MACF1: variants seen among roughly 807,000 people sequenced by gnomAD.
MACF1 encodes the protein microtubule-actin cross-linking factor 1.
A neutral mutation model predicts 854.8 loss-of-function variants in MACF1; 193 were observed. The observed-to-expected ratio is 0.23, with a 90% confidence interval of 0.20 to 0.25. The LOEUF is 0.25. Among genes scored for constraint, MACF1 ranks in the 10% least tolerant of loss-of-function variants. The probability of loss-of-function intolerance (pLI) is 1.00; values close to 1 mark genes in which losing one functional copy is unlikely to be tolerated. For missense variants in MACF1, 7,722 were observed against 8,929.1 expected, an observed-to-expected ratio of 0.86 and a Z score of 5.45; for synonymous variants, 3,185 against 3,226.7, an observed-to-expected ratio of 0.99 and a Z score of 0.44.
At position 39,483,387 on chromosome 1, in the gene MACF1, G is replaced by A. The variant is rs565209998; in HGVS notation, c.22282-1214G>A. On this transcript the variant is annotated intron_variant, in intron 99 of 100. Coordinates refer to ENST00000564288, the MANE Select transcript of MACF1 (RefSeq NM_001394062.1). ...AGTGAGACAAGACCTCTCTACTAAG[G>A]TCATCCTTTCAATAGAGCCCCTGCA... is the stretch of plus-strand genomic sequence containing the variant. 3.9e-5 allele frequency among the ~76,000 whole-genome samples: 6 copies of A among 152,300 alleles called. 1 individual carries two copies. The South Asian group carries it at 1.2e-3, about 32-fold the overall frequency.
intron 2 of MACF1, among the ~76,000 whole-genome samples, chr1:39,198,380 C>T (rs1049314679): frequency 6.6e-6 from 1 of 151,204 alleles, no homozygotes; most frequent in South Asian, 2.1e-4. Context: ...GTGCCGGGCG[C>T]GGTGGCTCAC....
chr1:39,281,567 T>C (rs1645548186), intron 6 of MACF1, among the ~76,000 whole-genome samples: 1 of 151,928 alleles, frequency 6.6e-6, no homozygotes, highest in Non-Finnish European at 1.5e-5. Context: ...CATACTTCAC[T>C]GCAGTCTTGA....
At chr1:39,282,431 A>G in intron 7 of MACF1, 57 bp downstream of exon 7, 1 of 1,517,430 alleles carries the variant, frequency 6.6e-7, no homozygotes, top group South Asian at 1.2e-5. Flanking sequence ...TCTTGTTTGT[A>G]ATTAGTTATA....
intron 40 of MACF1, 115 bp downstream of exon 40, chr1:39,341,068 C>G (rs1178679419): frequency 3.2e-6 from 3 of 950,426 alleles, no homozygotes; most frequent in Middle Eastern, 3.3e-4. Flanking sequence ...GAGTCTTGCT[C>G]TGTCACCCAA....
At chr1:39,480,201 G>A in intron 98 of MACF1, 192 bp downstream of exon 98, 1 of 580,904 alleles carries the variant, frequency 1.7e-6, no homozygotes, top group East Asian at 2.8e-5. Context: ...CAGATATATG[G>A]CCTTTAAGAT....
chr1:39,160,671 G>A (rs1435320775), intron 2 of MACF1, among the ~76,000 whole-genome samples: 1 of 152,190 alleles, frequency 6.6e-6, no homozygotes. Context: ...AAGAGGACAT[G>A]TAGTTTTTTT....
intron 15 of MACF1, among the ~76,000 whole-genome samples, chr1:39,287,880 C>G (rs1328782658): frequency 1.3e-5 from 2 of 152,140 alleles, no homozygotes; most frequent in African/African-American, 4.8e-5. Context: ...ATGAGGTTGG[C>G]ACAAATTCTC....
intron 2 of MACF1, among the ~76,000 whole-genome samples, chr1:39,196,454 G>C (rs564769166): frequency 6.6e-6 from 1 of 152,164 alleles, no homozygotes; most frequent in Admixed American, 6.5e-5. Flanking sequence ...CCTGTCTTCA[G>C]TTAGATGCCT....
At chr1:39,279,996 C>A (rs1645511635) in intron 6 of MACF1, among the ~76,000 whole-genome samples, 1 of 152,126 alleles carries the variant, frequency 6.6e-6, no homozygotes, top group South Asian at 2.1e-4. Flanking sequence ...AACTTGTTTA[C>A]TTTACACAGT....
chr1:39,170,169 G>C (rs985467944), intron 2 of MACF1, among the ~76,000 whole-genome samples: 4 of 152,062 alleles, frequency 2.6e-5, no homozygotes, highest in African/African-American at 9.7e-5. Flanking sequence ...TTTCACTTCA[G>C]GTCTTTCTTC....
intron 58 of MACF1, chr1:39,414,530 C>G: frequency 6.2e-7 from 1 of 1,603,180 alleles, no homozygotes; most frequent in Non-Finnish European, 8.5e-7. Context: ...GTGAGATTTG[C>G]AGGGCTGACC....
At chr1:39,219,876 G>A (rs983749164) in intron 1 of MACF1, among the ~76,000 whole-genome samples, 11 of 151,996 alleles carry the variant, frequency 7.2e-5, no homozygotes, top group African/African-American at 1.4e-4. Context: ...TCAGCCTCCC[G>A]AGTAGCTGGG....
chr1:39,257,688 G>A (rs956204197), intron 5 of MACF1: 2 of 429,036 alleles, frequency 4.7e-6, no homozygotes, highest in African/African-American at 2.1e-5. Flanking sequence ...TCAGATCAGT[G>A]GTTGTCAGGA....
At chr1:39,220,175 GA>G (rs539064543) in intron 1 of MACF1, among the ~76,000 whole-genome samples, 8 of 151,288 alleles carry the variant, frequency 5.3e-5, no homozygotes, top group South Asian at 2.1e-4. Context: ...GATATTTAAT[GA>G]AAAAAAAATT....
chr1:39,443,006 A>G (rs1644150493), intron 78 of MACF1, 95 bp downstream of exon 78: 1 of 1,240,110 alleles, frequency 8.1e-7, no homozygotes, highest in Admixed American at 2.1e-5. Context: ...AAAGCAAAGA[A>G]TCCCTTATGT....
chr1:39,317,385 G>A lies in MACF1; in HGVS notation c.3760G>A (p.Val1254Ile). 6.2e-7 allele frequency: 1 copy of A among 1,612,926 alleles called. No individual in the cohort carries two copies. The highest frequency in any genetic ancestry group is 8.5e-7 in the Non-Finnish European group (1 of 1,179,888). Residue 1254 changes from valine (V) to isoleucine (I), a missense_variant, in exon 29 of 101, where the codon GTC (valine) becomes ATC (isoleucine). By Grantham distance (29) the Val-to-Ile change is conservative. This residue lies in a region of MACF1 where 1,137 missense variants were observed against 1,263.0 expected (regional missense o/e 0.90). Coordinates refer to ENST00000564288, the MANE Select transcript of MACF1 (RefSeq NM_001394062.1). ...GSQLQERWHR[V>I]IAQLEIRQSE... ...CCAGCTGCAGGAGCGTTGGCACCGA[G>A]TCATTGCCCAGCTCGAGATTCGGTG...
At position 39,477,086 on chromosome 1, in the gene MACF1, TATATACAC is replaced by T. The variant is rs1469593633; in HGVS notation, c.21959-2710_21959-2703del. The stretch of plus-strand genomic sequence containing the variant: ...ATATATATATATATATATATATATA[TATATACAC>T]ACACACACATATATACACTTAGTGT... On this transcript the variant is annotated intron_variant, in intron 97 of 100. Transcript: ENST00000564288. Among the ~76,000 whole-genome samples, 66 of 12,418 alleles carry T rather than the reference TATATACAC, an allele frequency of 5.3e-3. 4 individuals are homozygous for T. The highest frequency in any genetic ancestry group is 0.018 in the East Asian group (4 of 228). The allele number at this position is 12,418 out of a possible 152,430, so 8.1% of individuals were successfully genotyped here.
intron 6 of MACF1, among the ~76,000 whole-genome samples, chr1:39,276,016 C>T (rs1645430179): frequency 6.6e-6 from 1 of 151,856 alleles, no homozygotes; most frequent in South Asian, 2.1e-4. Flanking sequence ...ACATCTTGGG[C>T]TTAAACGATC....
chr1:39,455,806 C>T (rs1039468339), intron 89 of MACF1, among the ~76,000 whole-genome samples: 4 of 152,182 alleles, frequency 2.6e-5, no homozygotes, highest in Admixed American at 2.6e-4. Flanking sequence ...TGGAGGAAAG[C>T]TCAGGTGGGC....
Sources: gnomAD v4.1 joint callset for allele counts (sites outside exome capture counted in the v4.1 genomes callset) on GRCh38, gnomAD v4.1.1 for gene constraint, gnomAD v4.1.1 regional missense constraint, MANE v1.5 for transcripts, NCBI Gene and HGNC (gene_info 2026-07-23, HGNC 2026-07-21) for gene names.